Variants in SH3D19 observed in about 807,000 individuals in gnomAD.
SH3D19 encodes the protein SH3 domain containing 19.
SH3D19 carries 58 observed loss-of-function variants against 112.1 expected under a neutral mutation model. That is an observed-to-expected ratio of 0.52 (90% CI 0.42 to 0.64). SH3D19 has a LOEUF of 0.64. Ranked by LOEUF, SH3D19 falls within the 30% of genes least tolerant of loss-of-function variation. The pLI is 0.00. For missense variants in SH3D19, 1,090 were observed against 1,263.4 expected (o/e 0.86, Z 2.08); for synonymous variants, 391 against 448.5 (o/e 0.87, Z 1.62).
intron 1 of SH3D19, among the ~76,000 whole-genome samples, chr4:151,247,778 ATGTAT>A (rs1290308512): frequency 6.6e-6 from 1 of 152,232 alleles, no homozygotes; most frequent in African/African-American, 2.4e-5. Context: ...TAAATCTTGG[ATGTAT>A]TGTATATAAT....
chr4:151,316,920 T>C (rs563837531), intron 1 of SH3D19, among the ~76,000 whole-genome samples: 1 of 152,384 alleles, frequency 6.6e-6, no homozygotes, highest in South Asian at 2.1e-4. Context: ...TGAAACTACC[T>C]GACACGTATT....
rs1554040935 is a variant in SH3D19 at position 151,161,640 on chromosome 4, A to ATT, written c.1643-2290_1643-2289dup. 2.0e-3 allele frequency among the ~76,000 whole-genome samples: 302 copies of ATT among 148,630 alleles called. 3 individuals are homozygous for ATT. The highest frequency in any genetic ancestry group is 3.6e-3 in the Middle Eastern group (1 of 276). ...TATACATATATATATATATATATATATTTTAATTATACTTTAAGTTCTAGG... is the reference window on the plus strand; with the variant it reads ...TATACATATATATATATATATATATATTTTTTAATTATACTTTAAGTTCTAGG... On this transcript the variant is annotated intron_variant, in intron 8 of 19. Coordinates refer to ENST00000604030, the MANE Select transcript of SH3D19 (RefSeq NM_001378122.1).
At chr4:151,133,297 CTTCA>C (rs1751131348) in intron 15 of SH3D19, 61 bp from the exon 16 acceptor site, 3 of 1,346,986 alleles carry the variant, frequency 2.2e-6, no homozygotes, top group Non-Finnish European at 3.2e-6. Context: ...GCTTAAAAAC[CTTCA>C]TTCAGTCTTT....
chr4:151,263,794 TTG>T (rs1252989546), intron 1 of SH3D19, among the ~76,000 whole-genome samples: 23 of 7,034 alleles, frequency 3.3e-3, no homozygotes, highest in African/African-American at 8.0e-3. Flanking sequence ...ACAGTTTTTG[TTG>T]TTGTTGTTGT....
chr4:151,232,850 A>C (rs1331995097), intron 1 of SH3D19, among the ~76,000 whole-genome samples: 2 of 151,764 alleles, frequency 1.3e-5, no homozygotes, highest in African/African-American at 4.9e-5. Context: ...AGCTTAAGAC[A>C]ACAAAAATGT....
intron 1 of SH3D19, among the ~76,000 whole-genome samples, chr4:151,305,212 T>C (rs910174818): frequency 6.6e-6 from 1 of 152,056 alleles, no homozygotes; most frequent in African/African-American, 2.4e-5. Flanking sequence ...AACTTGTAAA[T>C]ACAAGGTATG....
At chr4:151,283,038 C>A in intron 1 of SH3D19, 1 of 1,349,322 alleles carries the variant, frequency 7.4e-7, no homozygotes, top group Non-Finnish European at 1.0e-6. Flanking sequence ...CATTCAGAGA[C>A]TTCTGCACAT....
rs1561392220 is a variant in SH3D19 at position 151,238,907 on chromosome 4, ATTAAC to A, written c.113-12826_113-12822del. Among the ~76,000 whole-genome samples the A allele has an allele frequency of 2.0e-5, 3 of 152,278 alleles. No homozygotes were observed. In the South Asian group the frequency reaches 6.2e-4, roughly 32 times the overall value. On this transcript the variant is annotated intron_variant, in intron 1 of 19. Coordinates refer to ENST00000604030, the MANE Select transcript of SH3D19 (RefSeq NM_001378122.1). Reference sequence around the variant, plus strand: ...CACCCCTGTCCTTCCTCTCCACTTCATTAACTTCCATCCAGACAACACTTTCAAAA... The same window carrying A: ...CACCCCTGTCCTTCCTCTCCACTTCATTCCATCCAGACAACACTTTCAAAA...
intron 7 of SH3D19, among the ~76,000 whole-genome samples, chr4:151,169,186 C>T (rs1018753322): frequency 1.3e-5 from 2 of 152,116 alleles, no homozygotes; most frequent in African/African-American, 2.4e-5. Flanking sequence ...TTCAAAGTGT[C>T]CTAGCTTACT....
At position 151,133,246 on chromosome 4, in the gene SH3D19, G is replaced by A; in HGVS notation, c.2487-10C>T. ...AACACATCTTGAGCCTCTGAATGAA[G>A]AACACATTTTGTGGATTAGACTAGA... On this transcript the variant is annotated splice_polypyrimidine_tract_variant and intron_variant, in intron 15 of 19. Coordinates refer to ENST00000604030, the MANE Select transcript of SH3D19 (RefSeq NM_001378122.1). 6.2e-7 allele frequency: 1 copy of A among 1,613,234 alleles called. No individual in the cohort carries two copies.
intron 1 of SH3D19, among the ~76,000 whole-genome samples, chr4:151,308,558 C>T (rs371072321): frequency 2.0e-5 from 3 of 152,356 alleles, no homozygotes; most frequent in East Asian, 1.9e-4. Flanking sequence ...GTTTGCCATA[C>T]ACCTCCAAGG....
intron 1 of SH3D19, among the ~76,000 whole-genome samples, chr4:151,311,013 T>C (rs1349122651): frequency 2.0e-5 from 3 of 149,416 alleles, no homozygotes; most frequent in African/African-American, 7.4e-5. Context: ...ATACATATTA[T>C]ATATGTATAC....
chr4:151,162,676 C>T (rs770929101), intron 8 of SH3D19, among the ~76,000 whole-genome samples: 1 of 149,944 alleles, frequency 6.7e-6, no homozygotes, highest in Non-Finnish European at 1.5e-5. Context: ...CTCAACACAA[C>T]CTCCAAATCC....
At chr4:151,151,636 C>CT (rs1009099892) in intron 9 of SH3D19, among the ~76,000 whole-genome samples, 1 of 152,148 alleles carries the variant, frequency 6.6e-6, no homozygotes, top group African/African-American at 2.4e-5. Flanking sequence ...GCCCTTAAAA[C>CT]TTGGTTTCAC....
chr4:151,134,034 T>A (rs2149742421), intron 15 of SH3D19, among the ~76,000 whole-genome samples: 1 of 152,192 alleles, frequency 6.6e-6, no homozygotes, highest in East Asian at 1.9e-4. Flanking sequence ...GATTCTAGCT[T>A]TAATAGAATT....
Position 151,201,808 on chromosome 4 carries a change from C to T in SH3D19, c.153-14345G>A, listed in dbSNP as rs567758169. On this transcript the variant is annotated intron_variant, in intron 2 of 19. Coordinates refer to ENST00000604030, the MANE Select transcript of SH3D19 (RefSeq NM_001378122.1). ...GGTGGATCACCTGAGGTCAGGAGTT[C>T]GAGACCAGCCTGGGCCAACATGGCG... is the stretch of plus-strand genomic sequence containing the variant. Among the ~76,000 whole-genome samples the T allele has an allele frequency of 1.5e-4, 23 of 151,316 alleles. No homozygotes were observed. The South Asian group carries it at 4.6e-3, about 30-fold the overall frequency.
At chr4:151,258,047 C>A (rs1772075592) in intron 1 of SH3D19, among the ~76,000 whole-genome samples, 1 of 152,110 alleles carries the variant, frequency 6.6e-6, no homozygotes, top group South Asian at 2.1e-4. Flanking sequence ...GTCCCTTGTC[C>A]CCCTTTTCAA....
Position 151,325,361 on chromosome 4 carries a change from C to T in SH3D19, c.-9G>A. 8.3e-7 allele frequency: 1 copy of T among 1,200,776 alleles called. No homozygotes were observed. The highest frequency in any genetic ancestry group is 1.0e-6 in the Non-Finnish European group (1 of 966,132). 74.4% of individuals were successfully genotyped at this position (1,200,776 alleles called of 1,614,324 possible). A position where few individuals can be genotyped will look rare whatever the true frequency, so the allele number is the denominator to read the frequency against. ...CGCCGGCCCTCAGCCATGGGCGAGG[C>T]GCGGGGCGCAGCCGCGGGATGGCCA... On this transcript the variant is annotated 5_prime_UTR_variant, in exon 1 of 20. Coordinates refer to ENST00000604030, the MANE Select transcript of SH3D19 (RefSeq NM_001378122.1).
intron 2 of SH3D19, among the ~76,000 whole-genome samples, chr4:151,194,622 G>A (rs1286693623): frequency 1.3e-5 from 2 of 151,206 alleles, no homozygotes; most frequent in Admixed American, 1.3e-4. Flanking sequence ...CACCATGTTG[G>A]CCAGGCTGGT....
Sources: allele counts gnomAD v4.1 joint callset (sites outside exome capture counted in the v4.1 genomes callset), GRCh38; gene constraint gnomAD v4.1.1; transcripts MANE v1.5; gene names NCBI Gene and HGNC (gene_info 2026-07-23, HGNC 2026-07-21).